SLC38A10: variants seen among roughly 807,000 people sequenced by gnomAD.
The protein encoded by SLC38A10 is Sodium-coupled neutral amino acid transporter 10.
A neutral mutation model predicts 81.0 loss-of-function variants in SLC38A10; 53 were observed. The ratio of observed to expected loss-of-function variants is 0.65; its 90% CI spans 0.53 to 0.82. The LOEUF (loss-of-function observed/expected upper bound fraction) is 0.82, where lower values mean the gene tolerates loss of function less well. SLC38A10 is among the 40% of genes least tolerant of loss of function. The pLI is 0.00. For synonymous variants in SLC38A10, 665 were observed against 655.3 expected (o/e 1.01, Z -0.23); for missense variants, 1,471 against 1,545.0 (o/e 0.95, Z 0.80).
Position 81,253,257 on chromosome 17 carries a change from G to C in SLC38A10, c.1289-17C>G, listed in dbSNP as rs376317852. 14 of 1,612,668 alleles carry C rather than the reference G, an allele frequency of 8.7e-6. No homozygotes were observed. The African/African-American group carries it at 1.2e-4, about 14-fold the overall frequency. ...GATCCTGGGCTGGGAGCAGGGCACA[G>C]TTAGGGAACTGCACTGCCAAGCAGC... On this transcript the variant is annotated splice_polypyrimidine_tract_variant and intron_variant, in intron 11 of 15. Transcript: ENST00000374759. This position sits in a 1 kb window ranked among gnomAD's most constrained non-coding sequence, Gnocchi z 4.1.
Position 81,280,720 on chromosome 17 carries a change from G to A in SLC38A10, c.515C>T (p.Ser172Phe). The change falls in exon 6 of 16, where the codon TCT becomes TTT. Residue 172 changes from serine to phenylalanine, a missense_variant. Ser to Phe is a radical substitution (Grantham distance 155). Transcript: ENST00000374759. ...CCCACTGAAGAGGCCGTGCTTGAGA[G>A]AGGAGAGCACGATCTGCAGAGGGAG... ...TVFMFVIVLS[S>F]LKHGLFSGQW... The A allele has an allele frequency of 6.2e-7, 1 of 1,613,084 alleles. No individual in the cohort carries two copies. Among genetic ancestry groups the A allele is most frequent in the Non-Finnish European group, 8.5e-7 (1 of 1,179,606 alleles).
chr17:81,288,286 C>T lies in SLC38A10; in HGVS notation c.217+1405G>A, dbSNP rs907308006. Among the ~76,000 whole-genome samples the T allele has an allele frequency of 2.0e-5, 3 of 152,204 alleles. No individual in the cohort carries two copies. The highest frequency in any genetic ancestry group is 1.9e-4 in the East Asian group (1 of 5,198). ...GACCCCTAAACACCATTTCCTCTCC[C>T]GCCACCTCCTCACTCTGCCGCGGGA... On this transcript the variant is annotated intron_variant, in intron 2 of 15. Transcript: ENST00000374759. The surrounding 1 kb of genome is among the most constrained non-coding windows in gnomAD (Gnocchi z 5.4).
Position 81,246,476 on chromosome 17 carries a change from G to A in SLC38A10, c.2440C>T (p.Pro814Ser). 1 of 1,567,398 alleles carries A rather than the reference G, an allele frequency of 6.4e-7. No homozygotes were observed. Residue 814 changes from proline to serine, a missense_variant, in exon 16 of 16, where the codon CCT becomes TCT. This residue lies in a region of SLC38A10 where 751 missense variants were observed against 717.4 expected (regional missense o/e 1.05). Transcript: ENST00000374759. ...GGGCCGCCGTCAGGAGGGCCAGCAG[G>A]GTCTCTGCCCACAGGCCCCTCAGAG... The part of the protein sequence containing the change: ...EHSEGPVGRD[P>S]AGPPDGGPDT...
At position 81,246,222 on chromosome 17, in the gene SLC38A10, C is replaced by A. The variant is rs1185786982; in HGVS notation, c.2694G>T (p.Glu898Asp). The A allele has an allele frequency of 6.2e-7, 1 of 1,612,786 alleles. No individual in the cohort carries two copies. The highest frequency in any genetic ancestry group is 2.2e-5 in the East Asian group (1 of 44,878). ...GAATGCTGGTGCCAGTGGCTGCCAC[C>A]TCCTTCCCAGGTTTTTTCCTGTCTT... ...GSQDRKKPGK[E>D]VAATGTSILK... Residue 898 changes from glutamate to aspartate, a missense_variant, in exon 16 of 16, where the codon GAG becomes GAT. Glu to Asp is a conservative substitution (Grantham distance 45). Around this residue, in one of 2 missense-constraint regions of SLC38A10, gnomAD observed 751 missense variants for 717.4 expected, o/e 1.05. Transcript: ENST00000374759.
At chr17:81,263,528 TC>T (rs2063042617) in intron 10 of SLC38A10, 2 of 152,402 alleles carry the variant, frequency 1.3e-5, no homozygotes, top group South Asian at 2.1e-4. Context: ...GAAGGCTCCA[TC>T]CCCTCTTTGC....
At position 81,277,313 on chromosome 17, in the gene SLC38A10, C is replaced by T. The variant is rs2063170911; in HGVS notation, c.627-180G>A. On this transcript the variant is annotated intron_variant, in intron 6 of 15. Transcript: ENST00000374759. This position sits in a 1 kb window ranked among gnomAD's most constrained non-coding sequence, Gnocchi z 4.5. ...GACTTGGTGTTGCTGAGGACAGGAG[C>T]GTTGCAGCAGCCCCCACTCAGGACA... Among the ~76,000 whole-genome samples, 1 of 152,192 alleles carries T rather than the reference C, an allele frequency of 6.6e-6. No homozygotes were observed. Among genetic ancestry groups the T allele is most frequent in the South Asian group, 2.1e-4 (1 of 4,834 alleles).
Position 81,270,852 on chromosome 17 carries a change from G to C in SLC38A10, c.1131+66C>G. ...AACGCTGAACCAGGGGCTTCCTCCC[G>C]CCTCCACCTCTCCCCAGCCCAGACC... On this transcript the variant is annotated intron_variant, in intron 10 of 15. Coordinates refer to ENST00000374759, the MANE Select transcript of SLC38A10 (RefSeq NM_001037984.3). The surrounding 1 kb of genome is among the most constrained non-coding windows in gnomAD (Gnocchi z 4.0). The C allele has an allele frequency of 7.2e-7, 1 of 1,390,324 alleles. No individual in the cohort carries two copies. Among genetic ancestry groups the C allele is most frequent in the Non-Finnish European group, 1.0e-6 (1 of 983,940 alleles). The allele number at this position is 1,390,324 out of a possible 1,614,324, so 86.1% of individuals were successfully genotyped here. A position where few individuals can be genotyped will look rare whatever the true frequency, so the allele number is the denominator to read the frequency against.
intron 11 of SLC38A10, among the ~76,000 whole-genome samples, chr17:81,256,211 A>T (rs2062971078): frequency 6.6e-6 from 1 of 152,234 alleles, no homozygotes; most frequent in Non-Finnish European, 1.5e-5. Context: ...CCTGCTGTCT[A>T]GTCGGGCATG....
chr17:81,251,054 TGGG>T, intron 14 of SLC38A10: 1 of 1,442,842 alleles, frequency 6.9e-7, no homozygotes, highest in East Asian at 2.5e-5. Context: ...ACCCCCAAAC[TGGG>T]TCCCCTTGGG....
In SLC38A10 at chr17:81,288,085, C is replaced by T. The variant is rs1021328971; in HGVS notation, c.217+1606G>A. Reference sequence around the variant, plus strand: ...AAATAACAACAAGAAAAGACTCTGACAGCACCATTCTCATCAGGAAGGGAG... The same window carrying T: ...AAATAACAACAAGAAAAGACTCTGATAGCACCATTCTCATCAGGAAGGGAG... On this transcript the variant is annotated intron_variant, in intron 2 of 15. Coordinates refer to ENST00000374759, the MANE Select transcript of SLC38A10 (RefSeq NM_001037984.3). This position sits in a 1 kb window ranked among gnomAD's most constrained non-coding sequence, Gnocchi z 5.4. 3.3e-5 allele frequency among the ~76,000 whole-genome samples: 5 copies of T among 152,232 alleles called. No homozygotes were observed. Among genetic ancestry groups the T allele is most frequent in the African/African-American group, 1.2e-4 (5 of 41,460 alleles).
Position 81,282,330 on chromosome 17 carries a change from C to G in SLC38A10, c.360G>C (p.Val120=). Residue 120 remains valine (V), a splice_region_variant and synonymous_variant, in exon 5 of 16, where the codon GTG becomes GTC. Transcript: ENST00000374759. The part of the protein sequence containing the change: ...NFFARLFGFQ[V]GGTFRMFLLF... The stretch of plus-strand genomic sequence containing the variant: ...GCAGGAACATGCGGAAGGTGCCGCC[C>G]ACCTGCGGGGAGCCGGCAGGGGGTC... 6.2e-7 allele frequency: 1 copy of G among 1,609,484 alleles called. No individual in the cohort carries two copies. The highest frequency in any genetic ancestry group is 8.5e-7 in the Non-Finnish European group (1 of 1,178,266).
chr17:81,250,127 G>C, intron 14 of SLC38A10: 2 of 1,282,242 alleles, frequency 1.6e-6, no homozygotes, highest in South Asian at 2.5e-5. Context: ...ACGGAAGAAA[G>C]GCAGAATAGG....
chr17:81,268,783 GT>G (rs58371487), intron 10 of SLC38A10, among the ~76,000 whole-genome samples: 63,214 of 151,962 alleles, frequency 0.42, 13,843 homozygotes, highest in African/African-American at 0.54. Context: ...TAAGTTGAAA[GT>G]TTTCCCTCAA....
At chr17:81,282,822 C>T (rs1468661957) in intron 4 of SLC38A10, among the ~76,000 whole-genome samples, 4 of 152,230 alleles carry the variant, frequency 2.6e-5, no homozygotes, top group Non-Finnish European at 5.9e-5. Context: ...GAATCTGGTA[C>T]ATTCCACTCC....
chr17:81,251,548 G>T lies in SLC38A10; in HGVS notation c.2010C>A (p.Arg670=), dbSNP rs781063838. Residue 670 remains arginine (R), a synonymous_variant, in exon 14 of 16, where the codon CGC becomes CGA. Coordinates refer to ENST00000374759, the MANE Select transcript of SLC38A10 (RefSeq NM_001037984.3). ...APGPGLPPEP[R]EQRDVERAGG... Reference sequence around the variant, plus strand: ...CCGCTCGCTCCACGTCCCTCTGCTCGCGAGGCTCGGGCGGCAGCCCAGGCC... The same window carrying T: ...CCGCTCGCTCCACGTCCCTCTGCTCTCGAGGCTCGGGCGGCAGCCCAGGCC... 2.7e-5 allele frequency: 41 copies of T among 1,525,932 alleles called. No individual in the cohort carries two copies. The highest frequency in any genetic ancestry group is 1.1e-4 in the Admixed American group (5 of 47,036). The allele number at this position is 1,525,932 out of a possible 1,614,324, so 94.5% of individuals were successfully genotyped here.
At position 81,277,002 on chromosome 17, in the gene SLC38A10, G is replaced by A. The variant is rs1417867704; in HGVS notation, c.729+29C>T. 6.2e-7 allele frequency: 1 copy of A among 1,601,106 alleles called. No individual in the cohort carries two copies. Among genetic ancestry groups the A allele is most frequent in the Non-Finnish European group, 8.6e-7 (1 of 1,168,688 alleles). On this transcript the variant is annotated intron_variant, in intron 7 of 15. Coordinates refer to ENST00000374759, the MANE Select transcript of SLC38A10 (RefSeq NM_001037984.3). The surrounding 1 kb of genome is among the most constrained non-coding windows in gnomAD (Gnocchi z 4.5). The stretch of plus-strand genomic sequence containing the variant: ...GGCACATCATGCTGGCATGACACAG[G>A]GGCGGAGAGGGCGTGGCAAGGCTCT...
intron 10 of SLC38A10, chr17:81,264,320 G>C (rs906068619): frequency 1.3e-5 from 2 of 152,304 alleles, no homozygotes; most frequent in South Asian, 4.1e-4. Flanking sequence ...TTGAGGACGC[G>C]GTCATTCAAC....
chr17:81,271,785 G>A (rs1181770443), intron 9 of SLC38A10, among the ~76,000 whole-genome samples: 1 of 141,402 alleles, frequency 7.1e-6, no homozygotes, highest in Non-Finnish European at 1.5e-5. Flanking sequence ...GGAGTGTAGT[G>A]GAGCGATCTC....
chr17:81,254,383 C>T (rs9892257), intron 11 of SLC38A10, among the ~76,000 whole-genome samples: 163 of 152,262 alleles, frequency 1.1e-3, no homozygotes, highest in Middle Eastern at 6.8e-3. Context: ...GAAGGTACCA[C>T]CCTACTGGGT....
Sources: gnomAD v4.1 joint callset for allele counts (sites outside exome capture counted in the v4.1 genomes callset) on GRCh38, gnomAD v4.1.1 for gene constraint, gnomAD v4.1.1 regional missense constraint, Gnocchi (gnomAD v3.1) non-coding constraint, MANE v1.5 for transcripts, NCBI Gene and HGNC (gene_info 2026-07-23, HGNC 2026-07-21) for gene names.